Variants in SRI observed in about 807,000 individuals in gnomAD.
SRI encodes the protein sorcin.
Under a neutral mutation model 33.3 loss-of-function variants are expected in SRI, and 30 were observed. The ratio of observed to expected loss-of-function variants is 0.90; its 90% confidence interval spans 0.67 to 1.22. SRI has a LOEUF of 1.22. Among genes scored for constraint, SRI ranks in the 50% most tolerant of loss-of-function variants. SRI has a pLI of 0.00. For missense variants in SRI, 243 were observed against 250.8 expected, an observed-to-expected ratio of 0.97 and a Z score of 0.21; for synonymous variants, 75 against 89.9, an observed-to-expected ratio of 0.83 and a Z score of 0.94.
In SRI at chr7:88,210,489, C is replaced by A. The variant is rs537223451; in HGVS notation, c.250-359G>T. ...TAGCATCATCTCTGGTACTAATATT[C>A]CCTTGTTTAGTGCCCCCAGACAAAT... On this transcript the variant is annotated intron_variant, in intron 4 of 7. Coordinates refer to ENST00000265729, the MANE Select transcript of SRI (RefSeq NM_003130.4). 1,266 of 390,452 alleles carry A rather than the reference C, an allele frequency of 3.2e-3. 7 individuals carry two copies. The highest frequency in any genetic ancestry group is 4.7e-3 in the Non-Finnish European group (975 of 208,268). The allele number at this position is 390,452 out of a possible 1,614,324, so 24.2% of individuals were successfully genotyped here.
Position 88,206,193 on chromosome 7 carries a change from T to C in SRI, c.*285A>G, listed in dbSNP as rs1851436570. 4.2e-6 allele frequency: 2 copies of C among 475,696 alleles called. No individual in the cohort carries two copies. The highest frequency in any genetic ancestry group is 3.6e-5 in the East Asian group (1 of 27,632). The allele number at this position is 475,696 out of a possible 1,614,324, so 29.5% of individuals were successfully genotyped here. On this transcript the variant is annotated 3_prime_UTR_variant, in exon 8 of 8. Transcript: ENST00000265729. ...AATAAATAATGTGACTTAAACATTTTGCATACTTAAATTTACATAGAGTTT... is the reference window on the plus strand; with the variant it reads ...AATAAATAATGTGACTTAAACATTTCGCATACTTAAATTTACATAGAGTTT...
At chr7:88,220,074 C>T (rs1159641876), upstream of SRI, 8 of 1,488,520 alleles carry the variant, frequency 5.4e-6, no homozygotes, top group Admixed American at 4.4e-5. Context: ...CCAGGCCTCT[C>T]CGCCCCCTGC....
At chr7:88,226,761 A>C in intron 1 of SRI, 2 of 759,156 alleles carry the variant, frequency 2.6e-6, no homozygotes, top group Non-Finnish European at 3.9e-6. Context: ...AAGCTGAGAA[A>C]GGAACCTGGA....
At chr7:88,226,245 C>T (rs1157841313) in intron 1 of SRI, among the ~76,000 whole-genome samples, 1 of 152,138 alleles carries the variant, frequency 6.6e-6, no homozygotes, top group Non-Finnish European at 1.5e-5. Flanking sequence ...CTCAGGCAAG[C>T]CCTCGAAAGT....
upstream of SRI, chr7:88,220,140 G>A (rs1851854124): frequency 7.4e-7 from 1 of 1,345,876 alleles, no homozygotes; most frequent in East Asian, 3.1e-5. Context: ...CGGGCGTGGG[G>A]GACGCGCTCC....
chr7:88,219,365 G>A (rs1000955586), intron 1 of SRI: 1 of 251,982 alleles, frequency 4.0e-6, no homozygotes, highest in Non-Finnish European at 7.9e-6. Context: ...GTGTAGCCTA[G>A]GGAAGAGTAA....
At chr7:88,212,986 C>A (rs1851615740) in intron 3 of SRI, among the ~76,000 whole-genome samples, 1 of 152,180 alleles carries the variant, frequency 6.6e-6, no homozygotes, top group African/African-American at 2.4e-5. Context: ...AGGCAGACAG[C>A]TTCTCTGTCT....
At chr7:88,217,899 G>T (rs1851773388) in intron 2 of SRI, among the ~76,000 whole-genome samples, 1 of 152,166 alleles carries the variant, frequency 6.6e-6, no homozygotes, top group South Asian at 2.1e-4. Flanking sequence ...TGGTTTCAAA[G>T]ATACAGATCA....
Position 88,208,194 on chromosome 7 carries a change from AT to A in SRI, c.570+312del, listed in dbSNP as rs1208460665. Reference sequence around the variant, plus strand: ...CTTACAATGGCTCAGTGAAAAAGGCATTACTACTATATCTTCTTTATTCATA... The same window carrying A: ...CTTACAATGGCTCAGTGAAAAAGGCATACTACTATATCTTCTTTATTCATA... On this transcript the variant is annotated intron_variant, in intron 7 of 7. Transcript: ENST00000265729. The A allele has an allele frequency of 3.1e-5, 9 of 291,874 alleles. No homozygotes were observed. In the East Asian group the frequency reaches 6.9e-4, roughly 23 times the overall value. 18.1% of individuals were successfully genotyped at this position (291,874 alleles called of 1,614,324 possible).
intron 3 of SRI, among the ~76,000 whole-genome samples, chr7:88,211,201 C>T (rs1407264060): frequency 6.6e-6 from 1 of 152,086 alleles, no homozygotes; most frequent in Non-Finnish European, 1.5e-5. Flanking sequence ...GCCTGTAATC[C>T]CAGCACTTTG....
At chr7:88,210,781 G>T in intron 4 of SRI, 101 bp downstream of exon 4, 1 of 1,148,806 alleles carries the variant, frequency 8.7e-7, no homozygotes, top group Non-Finnish European at 1.3e-6. Flanking sequence ...GCTTTTTAGT[G>T]ATCATTTATT....
upstream of SRI, chr7:88,220,093 G>A (rs906549696): frequency 6.9e-7 from 1 of 1,449,876 alleles, no homozygotes; most frequent in Non-Finnish European, 9.0e-7. Flanking sequence ...GCCCCGCCCC[G>A]CCCTGCCGCT....
intron 1 of SRI, among the ~76,000 whole-genome samples, chr7:88,226,303 G>A (rs28440782): frequency 2.2e-4 from 34 of 152,226 alleles, no homozygotes; most frequent in East Asian, 5.8e-4. Flanking sequence ...TCCTGGAGCC[G>A]GGGTAGAGCA....
In SRI at chr7:88,212,954, T is replaced by C. The variant is rs569015697; in HGVS notation, c.206-2029A>G. On this transcript the variant is annotated intron_variant, in intron 3 of 7. Transcript: ENST00000265729. ...CAGAGCCAACTGTGTTGGGCTCACA[T>C]GAAGGTATTGAAGGGGCTATGAGGC... Among the ~76,000 whole-genome samples, 22 of 152,300 alleles carry C rather than the reference T, an allele frequency of 1.4e-4. No individual in the cohort carries two copies. In the South Asian group the frequency reaches 4.6e-3, roughly 32 times the overall value.
intron 3 of SRI, chr7:88,216,601 A>G (rs1851722732): frequency 6.4e-6 from 1 of 156,498 alleles, no homozygotes; most frequent in African/African-American, 2.4e-5. Context: ...TTGGCAAATA[A>G]CAGTAAATAT....
chr7:88,206,466 C>T lies in SRI; in HGVS notation c.*12G>A, dbSNP rs759545065. On this transcript the variant is annotated 3_prime_UTR_variant, in exon 8 of 8. Transcript: ENST00000265729. ...TGGAATGTTGATTACATTCATGCAGCTTCCTCTTGATTTAAACACTCATGA... is the reference window on the plus strand; with the variant it reads ...TGGAATGTTGATTACATTCATGCAGTTTCCTCTTGATTTAAACACTCATGA... The T allele has an allele frequency of 1.9e-6, 3 of 1,613,894 alleles. No homozygotes were observed. Among genetic ancestry groups the T allele is most frequent in the Non-Finnish European group, 1.7e-6 (2 of 1,179,828 alleles).
At chr7:88,208,221 T>C (rs922455058) in intron 7 of SRI, 4 of 450,458 alleles carry the variant, frequency 8.9e-6, no homozygotes, top group African/African-American at 2.0e-5. Flanking sequence ...TTTATTCATA[T>C]AGTGTCACAG....
At chr7:88,209,909 C>T (rs1281893105) in intron 5 of SRI, 74 bp downstream of exon 5, 7 of 1,601,350 alleles carry the variant, frequency 4.4e-6, no homozygotes, top group Non-Finnish European at 6.0e-6. Context: ...AGCCACTGCA[C>T]CCAGCCTGGT....
upstream of SRI, among the ~76,000 whole-genome samples, chr7:88,220,441 T>G (rs1366786091): frequency 1.3e-5 from 2 of 151,936 alleles, no homozygotes; most frequent in Non-Finnish European, 2.9e-5. Flanking sequence ...GACGGAGCTA[T>G]TATAAGCGGA....
Sources: allele counts gnomAD v4.1 joint callset (sites outside exome capture counted in the v4.1 genomes callset), GRCh38; gene constraint gnomAD v4.1.1; transcripts MANE v1.5; gene names NCBI Gene and HGNC (gene_info 2026-07-23, HGNC 2026-07-21).